Variants in TPRG1 observed in about 807,000 individuals in gnomAD.
The protein encoded by TPRG1 is tumor protein p63-regulated gene 1 protein.
TPRG1 carries 29 observed loss-of-function variants against 29.3 expected under a neutral mutation model. The observed-to-expected ratio is 0.99, with a 90% CI of 0.74 to 1.35. The LOEUF (loss-of-function observed/expected upper bound fraction) is 1.35. Among genes scored for constraint, TPRG1 ranks in the 40% most tolerant of loss-of-function variants. The pLI is 0.00. For synonymous variants in TPRG1, 130 were observed against 116.8 expected, an observed-to-expected ratio of 1.11 and a Z score of -0.73; for missense variants, 327 against 335.0, an observed-to-expected ratio of 0.98 and a Z score of 0.19.
chr3:189,146,958 C>T (rs574850137), intron 3 of TPRG1, among the ~76,000 whole-genome samples: 27 of 152,190 alleles, frequency 1.8e-4, no homozygotes, highest in African/African-American at 6.5e-4. Flanking sequence ...AAACACTTTT[C>T]CTGCCTTATC....
At chr3:189,108,014 A>G (rs1720028001) in intron 1 of TPRG1, among the ~76,000 whole-genome samples, 1 of 152,138 alleles carries the variant, frequency 6.6e-6, no homozygotes, top group African/African-American at 2.4e-5. Flanking sequence ...TATGCCATCC[A>G]AGGTCATCTA....
At chr3:189,051,064 G>C (rs891747003) in intron 4 of TPRG1, among the ~76,000 whole-genome samples, 3 of 152,110 alleles carry the variant, frequency 2.0e-5, no homozygotes, top group Admixed American at 2.0e-4. Flanking sequence ...TTTCAACATA[G>C]TACTGGAAGT....
At chr3:189,273,406 A>G (rs1715558051) in intron 4 of TPRG1, among the ~76,000 whole-genome samples, 1 of 152,136 alleles carries the variant, frequency 6.6e-6, no homozygotes, top group South Asian at 2.1e-4. Context: ...AATACTGCAG[A>G]GAGTTTGAAA....
chr3:189,112,383 G>C (rs1488658559), intron 1 of TPRG1, among the ~76,000 whole-genome samples: 1 of 152,154 alleles, frequency 6.6e-6, no homozygotes, highest in South Asian at 2.1e-4. Flanking sequence ...AGTTTAATTA[G>C]ATCCCATTTG....
chr3:189,025,748 A>C (rs557278364), intron 4 of TPRG1, among the ~76,000 whole-genome samples: 1 of 152,236 alleles, frequency 6.6e-6, no homozygotes, highest in African/African-American at 2.4e-5. Flanking sequence ...GCTTTCTGGA[A>C]TATTCTCTAG....
chr3:188,999,195 A>C (rs1045071885), intron 1 of TPRG1, among the ~76,000 whole-genome samples: 1 of 152,150 alleles, frequency 6.6e-6, no homozygotes, highest in Non-Finnish European at 1.5e-5. Context: ...GGGTGGAATC[A>C]GTGGAGAAGG....
At chr3:189,257,450 T>C (rs928878736) in intron 4 of TPRG1, among the ~76,000 whole-genome samples, 3 of 152,204 alleles carry the variant, frequency 2.0e-5, no homozygotes, top group Non-Finnish European at 4.4e-5. Context: ...TTTTCCTTCA[T>C]TTCAACCTTG....
chr3:189,157,644 G>A (rs1042350771), intron 5 of TPRG1, among the ~76,000 whole-genome samples: 2 of 152,164 alleles, frequency 1.3e-5, no homozygotes, highest in East Asian at 1.9e-4. Flanking sequence ...CATCTGTTAA[G>A]GGAGCGTAGC....
intron 4 of TPRG1, among the ~76,000 whole-genome samples, chr3:189,274,127 G>A (rs1031004154): frequency 1.4e-5 from 2 of 144,496 alleles, no homozygotes; most frequent in Non-Finnish European, 3.0e-5. Flanking sequence ...TTTTTTCACT[G>A]ATCCATGGAG....
At chr3:189,208,102 C>T (rs1734692221) in intron 2 of TPRG1, among the ~76,000 whole-genome samples, 2 of 152,196 alleles carry the variant, frequency 1.3e-5, no homozygotes, top group Admixed American at 6.5e-5. Context: ...GAGCTGAGCT[C>T]TCTTACCTGT....
At chr3:189,231,182 T>TA (rs1290079566) in intron 3 of TPRG1, among the ~76,000 whole-genome samples, 10 of 151,940 alleles carry the variant, frequency 6.6e-5, no homozygotes, top group African/African-American at 2.4e-4. Flanking sequence ...TGCAGTATAA[T>TA]AAAAATACAA....
At chr3:189,225,959 A>G (rs992402453) in intron 3 of TPRG1, among the ~76,000 whole-genome samples, 2 of 152,220 alleles carry the variant, frequency 1.3e-5, no homozygotes, top group African/African-American at 4.8e-5. Flanking sequence ...AGATACAGCA[A>G]TTCTAAATGT....
intron 4 of TPRG1, among the ~76,000 whole-genome samples, chr3:189,272,867 C>G (rs1186953988): frequency 6.6e-6 from 1 of 152,014 alleles, no homozygotes; most frequent in Non-Finnish European, 1.5e-5. Flanking sequence ...ATAAAGTACT[C>G]CAAGCTACAG....
intron 3 of TPRG1, among the ~76,000 whole-genome samples, chr3:189,022,244 T>C (rs1009750925): frequency 2.0e-5 from 3 of 152,010 alleles, no homozygotes; most frequent in African/African-American, 4.8e-5. Flanking sequence ...TCAAAGTCAT[T>C]CTCCTTCCAG....
At chr3:189,170,948 G>T (rs906603959), upstream of TPRG1, among the ~76,000 whole-genome samples, 1 of 152,144 alleles carries the variant, frequency 6.6e-6, no homozygotes, top group Non-Finnish European at 1.5e-5. Context: ...ATCTGATTTG[G>T]CCAGAGTCTG....
At chr3:189,045,225 T>A (rs1714900886) in intron 4 of TPRG1, among the ~76,000 whole-genome samples, 1 of 152,200 alleles carries the variant, frequency 6.6e-6, no homozygotes, top group African/African-American at 2.4e-5. Flanking sequence ...CAAAGGACTG[T>A]CCCGAAATGA....
intron 4 of TPRG1, among the ~76,000 whole-genome samples, chr3:189,250,240 T>C: frequency 6.6e-6 from 1 of 152,182 alleles, no homozygotes; most frequent in East Asian, 1.9e-4. Flanking sequence ...CACCCTGGGC[T>C]AGGAACATAC....
At chr3:189,215,480 C>A in intron 3 of TPRG1, 97 bp downstream of exon 3, 1 of 994,946 alleles carries the variant, frequency 1.0e-6, no homozygotes, top group South Asian at 1.5e-5. Context: ...TAGAATTTCT[C>A]TGGTTGCTAC....
chr3:189,184,983 T>A (rs1008448998), intron 1 of TPRG1, among the ~76,000 whole-genome samples: 1 of 152,222 alleles, frequency 6.6e-6, no homozygotes, highest in Non-Finnish European at 1.5e-5. Context: ...TGGAAGTCTG[T>A]CTGTCCCAGT....
Sources: allele counts gnomAD v4.1 joint callset (sites outside exome capture counted in the v4.1 genomes callset), GRCh38; gene constraint gnomAD v4.1.1; transcripts MANE v1.5; gene names NCBI Gene and HGNC (gene_info 2026-07-23, HGNC 2026-07-21).